The following GHR variants were observed in gnomAD, a reference collection of about 807,000 sequenced individuals.
The protein encoded by GHR is GH receptor.
In GHR, 35 loss-of-function variants were observed where a neutral mutation model predicts 67.1. The ratio of observed to expected loss-of-function variants is 0.52; its 90% confidence interval spans 0.40 to 0.69. GHR has a LOEUF of 0.69. Ranked by LOEUF, GHR falls within the 30% of genes least tolerant of loss-of-function variation. The pLI, the probability that GHR is intolerant of heterozygous loss-of-function variation, is 0.00. For missense variants in GHR, 792 were observed against 764.6 expected (o/e 1.04, Z -0.42); for synonymous variants, 272 against 269.1 (o/e 1.01, Z -0.10).
At chr5:42,475,111 T>C (rs1579772425) in intron 1 of GHR, among the ~76,000 whole-genome samples, 1 of 152,148 alleles carries the variant, frequency 6.6e-6, no homozygotes, top group Admixed American at 6.5e-5. Context: ...CTGGAACTCC[T>C]GACCTCAAGG....
In GHR at chr5:42,704,324, C is replaced by T. The variant is rs4296811; in HGVS notation, c.618+4322C>T. ...TCTGTTGAGATGGTTCCATGGTTTTCGTCTCGGTTCTGTTAAAGTGATGTA... is the reference window on the plus strand; with the variant it reads ...TCTGTTGAGATGGTTCCATGGTTTTTGTCTCGGTTCTGTTAAAGTGATGTA... On this transcript the variant is annotated intron_variant, in intron 6 of 9. Coordinates refer to ENST00000230882, the MANE Select transcript of GHR (RefSeq NM_000163.5). Among the ~76,000 whole-genome samples, 1,385 of 151,652 alleles carry T rather than the reference C, an allele frequency of 9.1e-3. 20 individuals are homozygous for T. Among genetic ancestry groups the T allele is most frequent in the African/African-American group, 0.032 (1,320 of 41,444 alleles).
intron 3 of GHR, among the ~76,000 whole-genome samples, chr5:42,676,273 G>T (rs1364552015): frequency 6.6e-6 from 1 of 151,700 alleles, no homozygotes; most frequent in Non-Finnish European, 1.5e-5. Flanking sequence ...GACAGAGCGA[G>T]ACTCCATATA....
chr5:42,551,358 G>C (rs553640307), intron 1 of GHR, among the ~76,000 whole-genome samples: 2 of 152,302 alleles, frequency 1.3e-5, no homozygotes, highest in South Asian at 4.1e-4. Flanking sequence ...AGTCTGGAAG[G>C]CTTCATGGAC....
intron 1 of GHR, among the ~76,000 whole-genome samples, chr5:42,532,202 A>G (rs1748003161): frequency 6.6e-6 from 1 of 152,114 alleles, no homozygotes; most frequent in South Asian, 2.1e-4. Flanking sequence ...GTGAGGGTCA[A>G]CCCTTGAGCC....
At chr5:42,671,439 G>T (rs903123983) in intron 3 of GHR, among the ~76,000 whole-genome samples, 1 of 151,524 alleles carries the variant, frequency 6.6e-6, no homozygotes, top group East Asian at 1.9e-4. Flanking sequence ...CCAACATTGG[G>T]CATTATATGT....
At chr5:42,585,196 G>A (rs944446447) in intron 2 of GHR, among the ~76,000 whole-genome samples, 8 of 152,190 alleles carry the variant, frequency 5.3e-5, no homozygotes, top group South Asian at 4.1e-4. Flanking sequence ...GTAGGATCTG[G>A]TTTTCCACTG....
chr5:42,524,200 A>T lies in GHR; in HGVS notation c.-11-41664A>T, dbSNP rs772996039. Among the ~76,000 whole-genome samples the T allele has an allele frequency of 3.2e-4, 48 of 152,214 alleles. 1 individual carries two copies. Among genetic ancestry groups the T allele is most frequent in the African/African-American group, 1.2e-3 (48 of 41,460 alleles). On this transcript the variant is annotated intron_variant, in intron 1 of 9. Transcript: ENST00000230882. Reference sequence around the variant, plus strand: ...TCAGAAGAAGACAGGAAAATGTGGGAAAGTTTGGAACTTCCTAGGGACTTA... The same window carrying T: ...TCAGAAGAAGACAGGAAAATGTGGGTAAGTTTGGAACTTCCTAGGGACTTA...
At chr5:42,707,550 A>G (rs1343685341) in intron 6 of GHR, among the ~76,000 whole-genome samples, 1 of 150,356 alleles carries the variant, frequency 6.7e-6, no homozygotes, top group Non-Finnish European at 1.5e-5. Flanking sequence ...CTTGGGCAGT[A>G]TGGTCATCTT....
chr5:42,652,581 T>C (rs1283413072), intron 3 of GHR, among the ~76,000 whole-genome samples: 3 of 152,178 alleles, frequency 2.0e-5, no homozygotes, highest in Non-Finnish European at 4.4e-5. Flanking sequence ...TATAGACTGC[T>C]TGCAGTTCCA....
chr5:42,468,219 G>T, intron 1 of GHR: 1 of 1,492,352 alleles, frequency 6.7e-7, no homozygotes, highest in Non-Finnish European at 9.3e-7. Context: ...GCACTTGTTG[G>T]CTGGATGCCT....
intron 3 of GHR, among the ~76,000 whole-genome samples, chr5:42,669,871 T>C (rs969890599): frequency 2.0e-5 from 3 of 152,112 alleles, no homozygotes; most frequent in African/African-American, 7.2e-5. Flanking sequence ...ATGAAAGAAA[T>C]TGAAGATGGT....
intron 1 of GHR, among the ~76,000 whole-genome samples, chr5:42,462,936 A>AT (rs1409265609): frequency 5.3e-5 from 8 of 152,270 alleles, no homozygotes; most frequent in South Asian, 2.1e-4. Flanking sequence ...CTTTTGAAAA[A>AT]TAAAAAAAAA....
At chr5:42,646,668 A>G (rs1754745073) in intron 3 of GHR, among the ~76,000 whole-genome samples, 1 of 152,202 alleles carries the variant, frequency 6.6e-6, no homozygotes, top group South Asian at 2.1e-4. Context: ...TGATGATACT[A>G]TAGACTCAGA....
intron 1 of GHR, among the ~76,000 whole-genome samples, chr5:42,533,261 C>G (rs1479378974): frequency 6.6e-6 from 1 of 152,006 alleles, no homozygotes; most frequent in Non-Finnish European, 1.5e-5. Flanking sequence ...GTTGATTCTT[C>G]TATTATCTTT....
At position 42,465,384 on chromosome 5, in the gene GHR, G is replaced by A; in HGVS notation, c.-12+41429G>A. The stretch of plus-strand genomic sequence containing the variant: ...AGAAAGTTAGGTTAAGGGTATAAAG[G>A]GATTGAAGAGGTTTCTACTTTTGCC... On this transcript the variant is annotated intron_variant, in intron 1 of 9. Coordinates refer to ENST00000230882, the MANE Select transcript of GHR (RefSeq NM_000163.5). 3 of 1,131,886 alleles carry A rather than the reference G, an allele frequency of 2.7e-6. 1 individual carries two copies. Among genetic ancestry groups the A allele is most frequent in the Non-Finnish European group, 1.3e-6 (1 of 747,246 alleles). 70.1% of individuals were successfully genotyped at this position (1,131,886 alleles called of 1,614,324 possible).
At chr5:42,570,660 T>C (rs1750244472) in intron 2 of GHR, among the ~76,000 whole-genome samples, 1 of 152,210 alleles carries the variant, frequency 6.6e-6, no homozygotes, top group South Asian at 2.1e-4. Flanking sequence ...GTTGGCATTA[T>C]AGGTATGAGC....
At chr5:42,566,052 C>A in intron 2 of GHR, 108 bp downstream of exon 2, 1 of 1,303,560 alleles carries the variant, frequency 7.7e-7, no homozygotes, top group Non-Finnish European at 1.1e-6. Context: ...GCAAGTTTTA[C>A]ATAGCAGCAA....
intron 6 of GHR, 109 bp downstream of exon 6, chr5:42,700,111 A>G (rs1029954395): frequency 9.9e-6 from 7 of 708,154 alleles, no homozygotes; most frequent in Non-Finnish European, 1.6e-5. Flanking sequence ...TTCATGCTGT[A>G]TGCTCCATAA....
intron 1 of GHR, among the ~76,000 whole-genome samples, chr5:42,504,339 G>A (rs963069160): frequency 4.6e-5 from 7 of 152,156 alleles, no homozygotes; most frequent in African/African-American, 1.4e-4. Context: ...TGGGGACAGT[G>A]TCAAGCAGGA....
Sources: gnomAD v4.1 joint callset for allele counts (sites outside exome capture counted in the v4.1 genomes callset) on GRCh38, gnomAD v4.1.1 for gene constraint, MANE v1.5 for transcripts, NCBI Gene and HGNC (gene_info 2026-07-23, HGNC 2026-07-21) for gene names.